CACNA1I: variants seen among roughly 807,000 people sequenced by gnomAD.
CACNA1I encodes calcium voltage-gated channel subunit alpha1 I, also known as voltage-dependent T-type calcium channel subunit alpha-1I.
CACNA1I carries 74 observed loss-of-function variants against 201.6 expected under a neutral mutation model. That is an observed-to-expected ratio of 0.37 (90% CI 0.30 to 0.45). CACNA1I has a LOEUF of 0.45. Ranked by LOEUF, CACNA1I falls within the 20% of genes least tolerant of loss-of-function variation. CACNA1I has a pLI of 1.00. For synonymous variants in CACNA1I, 1,431 were observed against 1,345.2 expected (o/e 1.06, Z -1.40); for missense variants, 2,346 against 3,138.1 (o/e 0.75, Z 6.03).
Position 39,665,961 on chromosome 22 carries a change from C to G in CACNA1I, c.4059C>G (p.Asn1353Lys), listed in dbSNP as rs1317067032. The change falls in exon 23 of 37, where the codon AAC becomes AAG. Residue 1353 changes from asparagine to lysine, a missense_variant. By Grantham distance (94) the Asn-to-Lys change is moderately conservative. This residue lies in a region of CACNA1I where 228 missense variants were observed against 395.7 expected (regional missense o/e 0.58). Coordinates refer to ENST00000402142, the MANE Select transcript of CACNA1I (RefSeq NM_021096.4). The surrounding 1 kb of genome is among the most constrained non-coding windows in gnomAD (Gnocchi z 5.5). ...ACCGCTCGGACTGCATGGCCGCCAACTACCGCTGGGTCCATCACAAATACA... is the reference window on the plus strand; with the variant it reads ...ACCGCTCGGACTGCATGGCCGCCAAGTACCGCTGGGTCCATCACAAATACA... ...ITNRSDCMAA[N>K]YRWVHHKYNF... The G allele has an allele frequency of 6.2e-7, 1 of 1,613,866 alleles. No homozygotes were observed. Among genetic ancestry groups the G allele is most frequent in the Non-Finnish European group, 8.5e-7 (1 of 1,179,878 alleles).
chr22:39,646,195 G>A (rs568954504), intron 7 of CACNA1I, among the ~76,000 whole-genome samples: 93 of 152,118 alleles, frequency 6.1e-4, no homozygotes, highest in African/African-American at 2.2e-3. Flanking sequence ...CTGTGTCTGT[G>A]CCTGTGTCTC....
chr22:39,670,916 G>C lies in CACNA1I; in HGVS notation c.4501G>C (p.Val1501Leu). The change falls in exon 26 of 37, where the codon GTG (valine) becomes CTG (leucine). Residue 1501 changes from valine (V) to leucine (L), a missense_variant. Val to Leu is a conservative substitution (Grantham distance 32, BLOSUM62 1). Transcript: ENST00000402142. ...IFITFIICLN[V>L]VTMSLEHYNQ... ...CATCACCTTCATCATCTGCCTCAAC[G>C]TGGTCACCATGTCCCTGGAGCACTA... The C allele has an allele frequency of 6.2e-7, 1 of 1,613,882 alleles. No homozygotes were observed.
chr22:39,640,194 G>A (rs2146418743), intron 5 of CACNA1I, among the ~76,000 whole-genome samples: 1 of 152,274 alleles, frequency 6.6e-6, no homozygotes, highest in African/African-American at 2.4e-5. Context: ...TTTGAGAACA[G>A]GCTGACCAAT....
At chr22:39,672,855 G>GT (rs939734678) in intron 27 of CACNA1I, 94 bp from the exon 28 acceptor site, 1 of 1,397,176 alleles carries the variant, frequency 7.2e-7, no homozygotes, top group African/African-American at 1.4e-5. Flanking sequence ...CAATAGAAGG[G>GT]TCAGGACCTG....
At chr22:39,588,013 T>C (rs1340007832) in intron 1 of CACNA1I, among the ~76,000 whole-genome samples, 1 of 152,178 alleles carries the variant, frequency 6.6e-6, no homozygotes, top group African/African-American at 2.4e-5. Context: ...TGGCCTCATG[T>C]GATCTGCCTG....
chr22:39,669,123 G>A (rs1279603091), intron 24 of CACNA1I, among the ~76,000 whole-genome samples: 2 of 152,144 alleles, frequency 1.3e-5, no homozygotes, highest in Admixed American at 1.3e-4. Context: ...CAGACTGAGG[G>A]GGTCACTGGG....
intron 1 of CACNA1I, among the ~76,000 whole-genome samples, chr22:39,595,452 C>T (rs868491536): frequency 1.3e-5 from 2 of 150,340 alleles, no homozygotes; most frequent in Non-Finnish European, 3.0e-5. Flanking sequence ...GGTGAAAACC[C>T]GTCTCTACTA....
chr22:39,610,447 G>T (rs1304087626), intron 3 of CACNA1I, among the ~76,000 whole-genome samples: 1 of 152,136 alleles, frequency 6.6e-6, no homozygotes, highest in Non-Finnish European at 1.5e-5. Flanking sequence ...GGGATGGGAT[G>T]GGAGAGAGGG....
rs1934602927 is a variant in CACNA1I, at chr22:39,649,977, G to A, written c.1992+52G>A. 1 of 1,591,436 alleles carries A rather than the reference G, an allele frequency of 6.3e-7. No individual in the cohort carries two copies. The highest frequency in any genetic ancestry group is 1.1e-5 in the South Asian group (1 of 90,494). On this transcript the variant is annotated intron_variant, in intron 10 of 36. Transcript: ENST00000402142. This position sits in a 1 kb window ranked among gnomAD's most constrained non-coding sequence, Gnocchi z 7.3. ...CTGCGGGAGAGGTGTGAGGGCCCCA[G>A]GACCCTGCCCAGGCCTGGGCAGCCC...
intron 4 of CACNA1I, among the ~76,000 whole-genome samples, chr22:39,626,542 A>G (rs1466231199): frequency 6.6e-6 from 1 of 151,968 alleles, no homozygotes; most frequent in African/African-American, 2.4e-5. Context: ...GCGTGGCGGG[A>G]AAAGGAGAGG....
intron 4 of CACNA1I, among the ~76,000 whole-genome samples, chr22:39,630,390 G>A (rs557782017): frequency 1.3e-3 from 191 of 152,234 alleles, no homozygotes; most frequent in Non-Finnish European, 2.1e-3. Context: ...CGAGGACAGG[G>A]AACTCTGTTT....
At chr22:39,664,288 C>CCT in intron 20 of CACNA1I, 129 bp downstream of exon 20, 1 of 736,240 alleles carries the variant, frequency 1.4e-6, no homozygotes, top group South Asian at 1.7e-5. Context: ...ATGGCCCACC[C>CCT]CTCTGGGTGC....
At chr22:39,647,141 G>A (rs904282169) in intron 8 of CACNA1I, among the ~76,000 whole-genome samples, 2 of 145,422 alleles carry the variant, frequency 1.4e-5, no homozygotes, top group African/African-American at 5.1e-5. Flanking sequence ...CTGTGTATGT[G>A]TGGAGATAGC....
At chr22:39,658,111 G>C (rs529871230) in intron 10 of CACNA1I, 41 bp from the exon 11 acceptor site, 1 of 1,608,230 alleles carries the variant, frequency 6.2e-7, no homozygotes, top group South Asian at 1.1e-5. Flanking sequence ...GCTGCCCTCT[G>C]GCCTGACCGG....
chr22:39,678,615 G>A (rs1935587341), intron 31 of CACNA1I, among the ~76,000 whole-genome samples: 1 of 152,180 alleles, frequency 6.6e-6, no homozygotes, highest in African/African-American at 2.4e-5. Flanking sequence ...AGCCCCCAGT[G>A]CCCCCAGCAA....
rs1400079087 is a variant in CACNA1I, at chr22:39,630,128, G to A, written c.581-4437G>A. On this transcript the variant is annotated intron_variant, in intron 4 of 36. Transcript: ENST00000402142. ...CGACTTGAGGGCTGTCCCCCAGACA[G>A]CGACAGCCCCTCAGCTGACTCTGCC... 7.2e-5 allele frequency among the ~76,000 whole-genome samples: 11 copies of A among 152,166 alleles called. No homozygotes were observed. In the South Asian group the frequency reaches 2.3e-3, roughly 32 times the overall value.
chr22:39,670,977 G>A, intron 26 of CACNA1I, 23 bp downstream of exon 26: 2 of 1,612,314 alleles, frequency 1.2e-6, no homozygotes, highest in Non-Finnish European at 1.7e-6. Context: ...CTGCCTCCCA[G>A]CCCAAGGTTA....
At chr22:39,572,760 G>C (rs1932226879) in intron 1 of CACNA1I, among the ~76,000 whole-genome samples, 1 of 151,808 alleles carries the variant, frequency 6.6e-6, no homozygotes, top group African/African-American at 2.4e-5. Flanking sequence ...CACCCATTTG[G>C]CTAGTTTTTT....
At chr22:39,619,500 C>A in intron 4 of CACNA1I, 93 bp downstream of exon 4, 1 of 892,392 alleles carries the variant, frequency 1.1e-6, no homozygotes. Flanking sequence ...ACCCCCCCAC[C>A]CTGCTTCGTT....
Sources: gnomAD v4.1 joint callset for allele counts (sites outside exome capture counted in the v4.1 genomes callset) on GRCh38, gnomAD v4.1.1 for gene constraint, gnomAD v4.1.1 regional missense constraint, Gnocchi (gnomAD v3.1) non-coding constraint, MANE v1.5 for transcripts, NCBI Gene and HGNC (gene_info 2026-07-23, HGNC 2026-07-21) for gene names.